SLC35F3: variants seen among roughly 807,000 people sequenced by gnomAD.
SLC35F3 encodes putative thiamine transporter SLC35F3.
A neutral mutation model predicts 49.9 loss-of-function variants in SLC35F3; 25 were observed. The ratio of observed to expected loss-of-function variants is 0.50; its 90% CI spans 0.37 to 0.70. SLC35F3 has a LOEUF of 0.70. Among genes scored for constraint, SLC35F3 ranks in the 30% least tolerant of loss-of-function variants. The pLI is 0.00. For missense variants in SLC35F3, 525 were observed against 639.8 expected (o/e 0.82, Z 1.94); for synonymous variants, 275 against 265.4 (o/e 1.04, Z -0.35).
chr1:234,132,070 G>A (rs1178492195), intron 2 of SLC35F3, among the ~76,000 whole-genome samples: 3 of 152,110 alleles, frequency 2.0e-5, no homozygotes, highest in Non-Finnish European at 2.9e-5. Context: ...AAAGTAATAG[G>A]AGGTTTGGAA....
chr1:233,965,926 G>C (rs1160448082), intron 2 of SLC35F3, among the ~76,000 whole-genome samples: 1 of 152,194 alleles, frequency 6.6e-6, no homozygotes, highest in Non-Finnish European at 1.5e-5. Context: ...AGTGGCTTTG[G>C]CTAGGTTGGA....
At chr1:233,908,945 T>G (rs775297850) in intron 2 of SLC35F3, among the ~76,000 whole-genome samples, 1 of 151,970 alleles carries the variant, frequency 6.6e-6, no homozygotes, top group Non-Finnish European at 1.5e-5. Context: ...AACCTCTGCC[T>G]CACAGGTTCA....
chr1:233,986,382 C>A (rs1663266694), intron 2 of SLC35F3, among the ~76,000 whole-genome samples: 1 of 152,120 alleles, frequency 6.6e-6, no homozygotes, highest in African/African-American at 2.4e-5. Context: ...AATGTTTGTT[C>A]TGAATATTCT....
chr1:233,965,111 A>G (rs542131353), intron 2 of SLC35F3, among the ~76,000 whole-genome samples: 1 of 152,286 alleles, frequency 6.6e-6, no homozygotes, highest in African/African-American at 2.4e-5. Context: ...TAAAATTCCT[A>G]TTTCAGACTC....
intron 2 of SLC35F3, among the ~76,000 whole-genome samples, chr1:234,125,389 G>A (rs981725687): frequency 3.3e-5 from 5 of 152,218 alleles, no homozygotes; most frequent in African/African-American, 9.6e-5. Context: ...CCGGGCTGAC[G>A]GATCATCCCC....
Position 233,948,136 on chromosome 1 carries a change from A to G in SLC35F3, c.283+42378A>G, listed in dbSNP as rs182902366. On this transcript the variant is annotated intron_variant, in intron 2 of 7. Transcript: ENST00000366618. ...TGGGAACCAGGATGATCTGAATTTT[A>G]TCAAGCATCCCACAGGGCATGTGTC... is the stretch of plus-strand genomic sequence containing the variant. Among the ~76,000 whole-genome samples the G allele has an allele frequency of 2.8e-3, 428 of 151,144 alleles. 2 individuals are homozygous for G. Among genetic ancestry groups the G allele is most frequent in the Non-Finnish European group, 4.6e-3 (309 of 67,748 alleles).
intron 2 of SLC35F3, among the ~76,000 whole-genome samples, chr1:234,059,852 T>C (rs940903461): frequency 5.9e-5 from 9 of 152,214 alleles, no homozygotes; most frequent in Non-Finnish European, 1.5e-5. Context: ...AGATGTAGGC[T>C]GGGAGGCTAG....
intron 2 of SLC35F3, among the ~76,000 whole-genome samples, chr1:234,137,474 C>T (rs1023129160): frequency 3.3e-5 from 5 of 152,034 alleles, no homozygotes; most frequent in African/African-American, 4.8e-5. Context: ...GTGTTGGGGG[C>T]AGAAGCCAGT....
Position 234,320,971 on chromosome 1 carries a change from G to A in SLC35F3, c.1237+784G>A, listed in dbSNP as rs1657605493. On this transcript the variant is annotated intron_variant, in intron 7 of 7. Transcript: ENST00000366618. This position sits in a 1 kb window ranked among gnomAD's most constrained non-coding sequence, Gnocchi z 4.8. ...TCCTCCCCAGAACACTCACTCCTTT[G>A]TCCCTGGCACAGCTTCCTCCAAAGC... Among the ~76,000 whole-genome samples the A allele has an allele frequency of 6.6e-6, 1 of 151,820 alleles. No individual in the cohort carries two copies.
intron 2 of SLC35F3, among the ~76,000 whole-genome samples, chr1:233,984,670 C>T (rs549874055): frequency 1.3e-5 from 2 of 152,072 alleles, no homozygotes; most frequent in African/African-American, 2.4e-5. Flanking sequence ...GTCTCTGGCT[C>T]GTGAGTGTGA....
intron 2 of SLC35F3, among the ~76,000 whole-genome samples, chr1:234,036,442 A>G (rs540884695): frequency 4.6e-5 from 7 of 152,308 alleles, no homozygotes; most frequent in African/African-American, 1.7e-4. Context: ...GGTTTCCAAG[A>G]TAAGACTCTT....
intron 3 of SLC35F3, chr1:234,272,471 T>C (rs182055379): frequency 3.9e-5 from 6 of 152,326 alleles, no homozygotes; most frequent in Admixed American, 3.3e-4. Context: ...TTGAAATTGT[T>C]CTGAGATAGG....
At chr1:234,054,446 GT>G (rs374767623) in intron 2 of SLC35F3, among the ~76,000 whole-genome samples, 17 of 152,242 alleles carry the variant, frequency 1.1e-4, no homozygotes, top group Middle Eastern at 3.4e-3. Context: ...ACTGAAGCTT[GT>G]GCATGCATCA....
At chr1:234,168,607 G>A (rs540039901) in intron 2 of SLC35F3, among the ~76,000 whole-genome samples, 4 of 152,228 alleles carry the variant, frequency 2.6e-5, no homozygotes, top group African/African-American at 9.6e-5. Flanking sequence ...ATGCCTCTTG[G>A]CATATGGAGC....
intron 2 of SLC35F3, among the ~76,000 whole-genome samples, chr1:234,056,084 G>A (rs1664453557): frequency 6.6e-6 from 1 of 151,892 alleles, no homozygotes; most frequent in African/African-American, 2.4e-5. Context: ...AGAATCTCCT[G>A]AATTGATTTG....
chr1:234,316,743 G>T lies in SLC35F3; in HGVS notation c.954+16G>T. ...CCTCTACAAGGTACGCCCGGGGAGT[G>T]AACTTTCTCAGCTGGCTGGGCTCTC... On this transcript the variant is annotated intron_variant, in intron 5 of 7. Coordinates refer to ENST00000366618, the MANE Select transcript of SLC35F3 (RefSeq NM_173508.4). The T allele has an allele frequency of 1.3e-6, 2 of 1,588,674 alleles. No individual in the cohort carries two copies. Among genetic ancestry groups the T allele is most frequent in the South Asian group, 2.2e-5 (2 of 90,130 alleles).
At chr1:234,019,947 G>A (rs890283089) in intron 2 of SLC35F3, among the ~76,000 whole-genome samples, 2 of 152,198 alleles carry the variant, frequency 1.3e-5, no homozygotes, top group Non-Finnish European at 2.9e-5. Flanking sequence ...ACATTCTGAA[G>A]GTTCACTCAA....
chr1:234,034,511 A>G (rs965265378), intron 2 of SLC35F3, among the ~76,000 whole-genome samples: 1 of 152,070 alleles, frequency 6.6e-6, no homozygotes, highest in African/African-American at 2.4e-5. Flanking sequence ...TTATTTATTT[A>G]TTCATTCATT....
intron 3 of SLC35F3, among the ~76,000 whole-genome samples, chr1:234,265,235 A>G (rs1340166635): frequency 3.3e-5 from 5 of 152,190 alleles, no homozygotes; most frequent in African/African-American, 1.2e-4. Flanking sequence ...TTCATGTTCT[A>G]TTCCTCTCAC....
Sources: gnomAD v4.1 joint callset for allele counts (sites outside exome capture counted in the v4.1 genomes callset) on GRCh38, gnomAD v4.1.1 for gene constraint, Gnocchi (gnomAD v3.1) non-coding constraint, MANE v1.5 for transcripts, NCBI Gene and HGNC (gene_info 2026-07-23, HGNC 2026-07-21) for gene names.